RAB20: variants seen among roughly 807,000 people sequenced by gnomAD.
The protein encoded by RAB20 is ras-related protein Rab-20.
A neutral mutation model predicts 3.7 loss-of-function variants in RAB20; 2 were observed. The ratio of observed to expected loss-of-function variants is 0.54; its 90% CI spans 0.22 to 1.69. The LOEUF (loss-of-function observed/expected upper bound fraction) is 1.69. RAB20 is among the 40% of genes most tolerant of loss of function. The pLI is 0.19. For missense variants in RAB20, 276 were observed against 311.9 expected (o/e 0.88, Z 0.87); for synonymous variants, 126 against 130.8 (o/e 0.96, Z 0.25).
rs911609292 is a variant in RAB20 at position 110,555,190 on chromosome 13, G to C, written c.172+6158C>G. On this transcript the variant is annotated intron_variant, in intron 1 of 1. Coordinates refer to ENST00000267328, the MANE Select transcript of RAB20 (RefSeq NM_017817.3). The surrounding 1 kb of genome is among the most constrained non-coding windows in gnomAD (Gnocchi z 4.0). Reference sequence around the variant, plus strand: ...CAATTACTGTAAGTGTTGGAAGCACGAGTTTCGGAGGCAGCCCGTCCTGTT... The same window carrying C: ...CAATTACTGTAAGTGTTGGAAGCACCAGTTTCGGAGGCAGCCCGTCCTGTT... 6.6e-6 allele frequency among the ~76,000 whole-genome samples: 1 copy of C among 152,178 alleles called. No individual in the cohort carries two copies. Among genetic ancestry groups the C allele is most frequent in the Non-Finnish European group, 1.5e-5 (1 of 68,030 alleles).
At chr13:110,546,289 A>G (rs11619620) in intron 1 of RAB20, among the ~76,000 whole-genome samples, 12,402 of 152,268 alleles carry the variant, frequency 0.081, 671 homozygotes, top group Non-Finnish European at 0.11. Flanking sequence ...AGTTTTAAGA[A>G]GACATCACTG....
chr13:110,547,710 G>A (rs537734633), intron 1 of RAB20, among the ~76,000 whole-genome samples: 1 of 152,196 alleles, frequency 6.6e-6, no homozygotes, highest in Non-Finnish European at 1.5e-5. Flanking sequence ...GAGGATTAAA[G>A]GAGCTAAAAT....
chr13:110,525,871 T>C (rs1055402451), intron 1 of RAB20, among the ~76,000 whole-genome samples: 6 of 152,360 alleles, frequency 3.9e-5, no homozygotes, highest in African/African-American at 1.2e-4. Context: ...AGGCTGTGCA[T>C]GGCATGGGCC....
chr13:110,557,137 G>A (rs532723296), intron 1 of RAB20, among the ~76,000 whole-genome samples: 1 of 152,328 alleles, frequency 6.6e-6, no homozygotes, highest in Non-Finnish European at 1.5e-5. Context: ...ATTACAGGTG[G>A]AAGCCTGGGG....
At chr13:110,527,211 G>T (rs1884445114) in intron 1 of RAB20, among the ~76,000 whole-genome samples, 2 of 152,030 alleles carry the variant, frequency 1.3e-5, no homozygotes, top group Non-Finnish European at 2.9e-5. Flanking sequence ...AAACCTTGCT[G>T]GGCGATGCTG....
chr13:110,536,783 ATT>A (rs35700829), intron 1 of RAB20, among the ~76,000 whole-genome samples: 1,440 of 128,886 alleles, frequency 0.011, 34 homozygotes, highest in African/African-American at 0.04. Context: ...TTTAATGGGA[ATT>A]TTTTTTTTAT....
intron 1 of RAB20, among the ~76,000 whole-genome samples, chr13:110,552,888 C>T (rs908228251): frequency 2.6e-5 from 4 of 152,198 alleles, no homozygotes; most frequent in African/African-American, 4.8e-5. Flanking sequence ...GCAAGGTCCC[C>T]TGGCACCCCA....
intron 1 of RAB20, among the ~76,000 whole-genome samples, chr13:110,527,517 C>T (rs1884450704): frequency 6.6e-6 from 1 of 152,202 alleles, no homozygotes; most frequent in Non-Finnish European, 1.5e-5. Context: ...ACCCGGGTCA[C>T]CTCCCTCTTC....
At chr13:110,541,315 T>G (rs1041152999) in intron 1 of RAB20, among the ~76,000 whole-genome samples, 1 of 152,104 alleles carries the variant, frequency 6.6e-6, no homozygotes. Flanking sequence ...GTTAATCAGA[T>G]TTGGAATTAG....
In RAB20 at chr13:110,524,012, C is replaced by G. The variant is rs368428631; in HGVS notation, c.358G>C (p.Glu120Gln). The G allele has an allele frequency of 1.1e-5, 18 of 1,614,038 alleles. No homozygotes were observed. Among genetic ancestry groups the G allele is most frequent in the Non-Finnish European group, 1.5e-5 (18 of 1,180,046 alleles). ...IVGNKVDLTE[E>Q]GALAGQEKEE... The stretch of plus-strand genomic sequence containing the variant: ...TTCTCCTGGCCCGCCAAGGCCCCCT[C>G]CTCAGTGAGGTCCACTTTGTTCCCC... The change falls in exon 2 of 2, where the codon GAG becomes CAG. Residue 120 changes from glutamate to glutamine, a missense_variant. Coordinates refer to ENST00000267328, the MANE Select transcript of RAB20 (RefSeq NM_017817.3).
intron 1 of RAB20, among the ~76,000 whole-genome samples, chr13:110,548,907 GA>G (rs920562062): frequency 3.3e-5 from 5 of 152,176 alleles, no homozygotes; most frequent in African/African-American, 1.2e-4. Context: ...CTGGCACCCA[GA>G]AGCATGATAA....
chr13:110,557,163 T>G (rs1165733761), intron 1 of RAB20, among the ~76,000 whole-genome samples: 2 of 152,106 alleles, frequency 1.3e-5, no homozygotes, highest in Non-Finnish European at 2.9e-5. Flanking sequence ...ATGAGGACTG[T>G]GTTATCAGAA....
At position 110,523,592 on chromosome 13, in the gene RAB20, CTTT is replaced by C; in HGVS notation, c.*70_*72del. 1 of 1,550,214 alleles carries C rather than the reference CTTT, an allele frequency of 6.5e-7. No individual in the cohort carries two copies. ...AATAATTCCTTGCTGTTCCTTGCTC[CTTT>C]CAGATCACAGCTTGCCTGGTCAGAC... On this transcript the variant is annotated 3_prime_UTR_variant, in exon 2 of 2. Coordinates refer to ENST00000267328, the MANE Select transcript of RAB20 (RefSeq NM_017817.3).
intron 1 of RAB20, among the ~76,000 whole-genome samples, chr13:110,552,997 C>T (rs1566591501): frequency 6.6e-6 from 1 of 152,228 alleles, no homozygotes; most frequent in Non-Finnish European, 1.5e-5. Context: ...AGTATAATGT[C>T]GCTTTGTCCA....
At chr13:110,559,935 C>T (rs1032782168) in intron 1 of RAB20, among the ~76,000 whole-genome samples, 1 of 152,168 alleles carries the variant, frequency 6.6e-6, no homozygotes. Flanking sequence ...CGGTTAGGGT[C>T]CCCCAATAAC....
chr13:110,530,039 A>G (rs1023681841), intron 1 of RAB20, among the ~76,000 whole-genome samples: 10 of 152,202 alleles, frequency 6.6e-5, no homozygotes, highest in Admixed American at 2.0e-4. Flanking sequence ...AAAACTGACC[A>G]GGACTTTAAC....
intron 1 of RAB20, among the ~76,000 whole-genome samples, chr13:110,556,178 C>T (rs1364814924): frequency 6.6e-6 from 1 of 152,240 alleles, no homozygotes; most frequent in Non-Finnish European, 1.5e-5. Context: ...CCTGTGCCCT[C>T]ATCACATGGG....
intron 1 of RAB20, among the ~76,000 whole-genome samples, chr13:110,532,979 C>T (rs578005208): frequency 7.9e-5 from 12 of 152,314 alleles, no homozygotes; most frequent in East Asian, 5.8e-4. Context: ...CTGTGCCCAG[C>T]GGAGAACAGA....
intron 1 of RAB20, among the ~76,000 whole-genome samples, chr13:110,531,792 C>T (rs1422737208): frequency 6.6e-6 from 1 of 152,208 alleles, no homozygotes; most frequent in Non-Finnish European, 1.5e-5. Context: ...CAATCTTCTA[C>T]GTTTCTTATT....
Sources: allele counts gnomAD v4.1 joint callset (sites outside exome capture counted in the v4.1 genomes callset), GRCh38; gene constraint gnomAD v4.1.1; non-coding constraint Gnocchi (gnomAD v3.1); transcripts MANE v1.5; gene names NCBI Gene and HGNC (gene_info 2026-07-23, HGNC 2026-07-21).